The following SLC22A16 variants were observed in gnomAD, a reference collection of about 807,000 sequenced individuals.
SLC22A16 encodes WUGSC:RG331P03.1.
SLC22A16 carries 53 observed loss-of-function variants against 52.9 expected under a neutral mutation model. That is an observed-to-expected ratio of 1.00 (90% confidence interval 0.80 to 1.26). SLC22A16 has a LOEUF of 1.26. SLC22A16 is among the 50% of genes most tolerant of loss of function. The probability of loss-of-function intolerance (pLI) is 0.00; values close to 1 mark genes in which losing one functional copy is unlikely to be tolerated. For synonymous variants in SLC22A16, 291 were observed against 268.8 expected (o/e 1.08, Z -0.81); for missense variants, 726 against 704.0 (o/e 1.03, Z -0.35).
intron 1 of SLC22A16, among the ~76,000 whole-genome samples, chr6:110,470,435 CCA>C (rs1562302668): frequency 6.6e-6 from 1 of 152,150 alleles, no homozygotes; most frequent in African/African-American, 2.4e-5. Context: ...AACAGCTCCA[CCA>C]CTGAAAAGCT....
At chr6:110,467,511 A>G (rs72939927) in intron 1 of SLC22A16, among the ~76,000 whole-genome samples, 27,627 of 152,218 alleles carry the variant, frequency 0.18, 3,274 homozygotes, top group South Asian at 0.3. Flanking sequence ...TCACTTTAGT[A>G]TCTCCTGTAG....
intron 7 of SLC22A16, 46 bp from the exon 8 acceptor site, chr6:110,425,131 A>G (rs754348376): frequency 6.2e-7 from 1 of 1,608,168 alleles, no homozygotes; most frequent in East Asian, 2.2e-5. Context: ...CAAGAAAGGA[A>G]CGAACCCTTC....
At chr6:110,426,528 C>A (rs1774261809) in intron 7 of SLC22A16, among the ~76,000 whole-genome samples, 1 of 152,130 alleles carries the variant, frequency 6.6e-6, no homozygotes, top group African/African-American at 2.4e-5. Context: ...CGGATCCTTT[C>A]ACACTCTCCA....
chr6:110,442,849 A>C, intron 3 of SLC22A16, 74 bp from the exon 4 acceptor site: 1 of 1,374,754 alleles, frequency 7.3e-7, no homozygotes, highest in Non-Finnish European at 9.9e-7. Flanking sequence ...CCCATTGCAA[A>C]TCACATATAG....
At chr6:110,438,872 A>G (rs763581633) in intron 4 of SLC22A16, 25 bp from the exon 5 acceptor site, 9 of 1,612,642 alleles carry the variant, frequency 5.6e-6, no homozygotes, top group South Asian at 4.4e-5. Flanking sequence ...GCAGCCCTCT[A>G]TAAGTCTAGG....
intron 3 of SLC22A16, among the ~76,000 whole-genome samples, chr6:110,446,367 C>T (rs1775170922): frequency 6.6e-6 from 1 of 152,190 alleles, no homozygotes; most frequent in Non-Finnish European, 1.5e-5. Context: ...TTACAGACTG[C>T]AACCAAAGGT....
intron 2 of SLC22A16, among the ~76,000 whole-genome samples, chr6:110,455,077 T>C (rs1446785772): frequency 7.2e-6 from 1 of 138,672 alleles, no homozygotes; most frequent in Non-Finnish European, 1.5e-5. Context: ...TACACACACA[T>C]CTCTGCATCT....
At chr6:110,454,850 T>TA (rs1775567412) in intron 2 of SLC22A16, among the ~76,000 whole-genome samples, 3 of 79,460 alleles carry the variant, frequency 3.8e-5, no homozygotes, top group Non-Finnish European at 6.7e-5. Flanking sequence ...TTATAATATA[T>TA]ATAATATATG....
rs9487402 is a variant in SLC22A16 at position 110,425,342 on chromosome 6, T to A, written c.1522-257A>T. On this transcript the variant is annotated intron_variant, in intron 7 of 7. Transcript: ENST00000368919. ...ATGGAGTGCCTCCTTAATTGCCAGC[T>A]ACTGCCTGCATTATTACTCCTGAAG... is the stretch of plus-strand genomic sequence containing the variant. 9 of 1,411,672 alleles carry A rather than the reference T, an allele frequency of 6.4e-6. No individual in the cohort carries two copies. The Admixed American group carries it at 8.6e-5, about 13-fold the overall frequency. 87.4% of individuals were successfully genotyped at this position (1,411,672 alleles called of 1,614,324 possible).
intron 6 of SLC22A16, among the ~76,000 whole-genome samples, chr6:110,431,641 G>C (rs1184557572): frequency 6.6e-6 from 1 of 152,072 alleles, no homozygotes; most frequent in Admixed American, 6.6e-5. Flanking sequence ...ATGATGTTCT[G>C]ACAACCACGA....
chr6:110,448,724 T>A (rs1375516846), intron 2 of SLC22A16, among the ~76,000 whole-genome samples: 1 of 152,148 alleles, frequency 6.6e-6, no homozygotes, highest in Non-Finnish European at 1.5e-5. Context: ...TGAACAGCCA[T>A]CTCCTGCAGA....
In SLC22A16 at chr6:110,476,570, C is replaced by T. The variant is rs1776497778; in HGVS notation, c.5G>A (p.Gly2Glu). Residue 2 changes from glycine to glutamate, a missense_variant, in exon 1 of 8, where the codon GGG becomes GAG. Transcript: ENST00000368919. M[G>E]SRHFEGIYDH... ...ATAAATCCCCTCGAAGTGGCGGGACCCCATGGTGCGGCCGTGCACTGGGCG... is the reference window on the plus strand; with the variant it reads ...ATAAATCCCCTCGAAGTGGCGGGACTCCATGGTGCGGCCGTGCACTGGGCG... 6.5e-7 allele frequency: 1 copy of T among 1,539,768 alleles called. No homozygotes were observed. The highest frequency in any genetic ancestry group is 1.2e-5 in the South Asian group (1 of 83,134).
chr6:110,459,115 G>C (rs1461379882), intron 1 of SLC22A16, among the ~76,000 whole-genome samples: 1 of 152,034 alleles, frequency 6.6e-6, no homozygotes, highest in African/African-American at 2.4e-5. Context: ...AGGGAGAAGA[G>C]ACCAATCTTT....
intron 1 of SLC22A16, among the ~76,000 whole-genome samples, chr6:110,468,236 T>C (rs1776137840): frequency 6.6e-6 from 1 of 152,160 alleles, no homozygotes; most frequent in Non-Finnish European, 1.5e-5. Context: ...ATTCTTAGGG[T>C]CTCTTTGGGA....
At chr6:110,468,660 C>A (rs55758510) in intron 1 of SLC22A16, among the ~76,000 whole-genome samples, 76 of 136,636 alleles carry the variant, frequency 5.6e-4, no homozygotes, top group Middle Eastern at 3.7e-3. Flanking sequence ...AAAAAAAAAA[C>A]AAAATGGAGA....
At chr6:110,442,097 A>G (rs1774988904) in intron 4 of SLC22A16, 147 bp downstream of exon 4, 1 of 724,638 alleles carries the variant, frequency 1.4e-6, no homozygotes, top group African/African-American at 1.8e-5. Flanking sequence ...GAGATATCAT[A>G]ATAATATGGT....
chr6:110,475,013 T>C (rs755825171), intron 1 of SLC22A16: 3 of 518,546 alleles, frequency 5.8e-6, no homozygotes, highest in Non-Finnish European at 1.2e-5. Flanking sequence ...TGAAAACATT[T>C]GTACTATTAT....
intron 3 of SLC22A16, among the ~76,000 whole-genome samples, chr6:110,445,184 G>A (rs547069674): frequency 5.9e-5 from 9 of 151,870 alleles, no homozygotes; most frequent in Admixed American, 5.3e-4. Context: ...CCACCTAACC[G>A]CCTTGATCCC....
At position 110,437,152 on chromosome 6, in the gene SLC22A16, A is replaced by AAATTAAATTAATTAACAATTGTT. The variant is rs550214436; in HGVS notation, c.1312-1214_1312-1192dup. Among the ~76,000 whole-genome samples the AAATTAAATTAATTAACAATTGTT allele has an allele frequency of 5.3e-3, 812 of 152,300 alleles. 2 individuals are homozygous for AAATTAAATTAATTAACAATTGTT. Among genetic ancestry groups the AAATTAAATTAATTAACAATTGTT allele is most frequent in the Middle Eastern group, 0.02 (6 of 294 alleles). ...CTAATGTCACCTTAATTACAATTGTAAATTAAATTAATTAACAATTGTTAA... is the reference window on the plus strand; with the variant it reads ...CTAATGTCACCTTAATTACAATTGTAAATTAAATTAATTAACAATTGTTAATTAAATTAATTAACAATTGTTAA... On this transcript the variant is annotated intron_variant, in intron 5 of 7. Coordinates refer to ENST00000368919, the MANE Select transcript of SLC22A16 (RefSeq NM_033125.4).
Sources: gnomAD v4.1 joint callset for allele counts (sites outside exome capture counted in the v4.1 genomes callset) on GRCh38, gnomAD v4.1.1 for gene constraint, MANE v1.5 for transcripts, NCBI Gene and HGNC (gene_info 2026-07-23, HGNC 2026-07-21) for gene names.